Variants in TNRC18 observed in about 807,000 individuals in gnomAD.
TNRC18 encodes trinucleotide repeat-containing gene 18 protein.
TNRC18 carries 69 observed loss-of-function variants against 226.7 expected under a neutral mutation model. That is an observed-to-expected ratio of 0.30 (90% CI 0.25 to 0.37). The LOEUF (loss-of-function observed/expected upper bound fraction) is 0.37, where lower values mean the gene tolerates loss of function less well. Ranked by LOEUF, TNRC18 falls within the 10% of genes least tolerant of loss-of-function variation. TNRC18 has a pLI of 1.00. For synonymous variants in TNRC18, 2,449 were observed against 1,927.6 expected, an observed-to-expected ratio of 1.27 and a Z score of -7.09; for missense variants, 4,754 against 4,256.6, an observed-to-expected ratio of 1.12 and a Z score of -3.25.
At chr7:5,340,773 G>A (rs895340495) in intron 18 of TNRC18, among the ~76,000 whole-genome samples, 1 of 151,518 alleles carries the variant, frequency 6.6e-6, no homozygotes. Context: ...AAGGAAAGAA[G>A]CCGTCTCCAT....
At position 5,394,171 on chromosome 7, in the gene TNRC18, A is replaced by AG. The variant is rs943083917; in HGVS notation, c.343+268dup. ...CAAGTGATGGAAGTGGGTGCGGAAG[A>AG]GGGGGTCTCTGAGCTGAGCCGGAGG... On this transcript the variant is annotated intron_variant, in intron 3 of 29. Transcript: ENST00000430969. The surrounding 1 kb of genome is among the most constrained non-coding windows in gnomAD (Gnocchi z 4.5). 2.0e-5 allele frequency among the ~76,000 whole-genome samples: 3 copies of AG among 152,120 alleles called. No individual in the cohort carries two copies. The highest frequency in any genetic ancestry group is 4.8e-5 in the African/African-American group (2 of 41,410).
At chr7:5,373,999 C>T in intron 10 of TNRC18, 56 bp downstream of exon 10, 10 of 1,341,364 alleles carry the variant, frequency 7.5e-6, no homozygotes, top group South Asian at 1.6e-5. Context: ...GATGGATGAG[C>T]AGTTTTACCG....
At position 5,308,349 on chromosome 7, in the gene TNRC18, G is replaced by GA. The variant is rs770937010; in HGVS notation, c.8701-38_8701-37insT. ...CGGGGATATCAGGATGGCAGGTGGG[G>GA]GGCACAGAGGCCGAGGGAGCCCCAG... On this transcript the variant is annotated intron_variant, in intron 29 of 29. Coordinates refer to ENST00000430969, the MANE Select transcript of TNRC18 (RefSeq NM_001080495.3). 113 of 1,577,470 alleles carry GA rather than the reference G, an allele frequency of 7.2e-5. 2 individuals carry two copies. The South Asian group carries it at 1.3e-3, about 18-fold the overall frequency.
chr7:5,381,910 G>C (rs1030599557), intron 5 of TNRC18, among the ~76,000 whole-genome samples: 1 of 152,138 alleles, frequency 6.6e-6, no homozygotes, highest in African/African-American at 2.4e-5. Context: ...AGGTTGCAGT[G>C]AGCCAAGATC....
At chr7:5,336,036 A>G (rs569234081) in intron 18 of TNRC18, among the ~76,000 whole-genome samples, 139 of 151,752 alleles carry the variant, frequency 9.2e-4, no homozygotes, top group African/African-American at 3.0e-3. Flanking sequence ...GCAAAACCCC[A>G]TCTCTACAAA....
Position 5,351,857 on chromosome 7 carries a change from G to A in TNRC18, c.5432C>T (p.Ser1811Phe), listed in dbSNP as rs1791851950. 1 of 1,608,130 alleles carries A rather than the reference G, an allele frequency of 6.2e-7. No homozygotes were observed. Among genetic ancestry groups the A allele is most frequent in the African/African-American group, 1.3e-5 (1 of 74,484 alleles). Residue 1811 changes from serine (S) to phenylalanine (F), a missense_variant, in exon 17 of 30, where the codon TCC becomes TTC. By Grantham distance (155) the Ser-to-Phe change is radical. Coordinates refer to ENST00000430969, the MANE Select transcript of TNRC18 (RefSeq NM_001080495.3). ...CLLLREAEAR[S>F]SFSDSSEESF... ...TTCCTCCGAAGAGTCGCTGAAGGAG[G>A]AACGCGCCTCGGCCTCTCGAAGCAG...
chr7:5,421,597 G>A (rs1018679370), intron 1 of TNRC18, 108 bp from the exon 2 acceptor site: 1 of 152,248 alleles, frequency 6.6e-6, no homozygotes, highest in African/African-American at 2.4e-5. Flanking sequence ...CTTCAGGATC[G>A]GGGGGTGCCG....
chr7:5,327,565 A>G (rs1254658990), intron 19 of TNRC18, among the ~76,000 whole-genome samples: 2 of 152,022 alleles, frequency 1.3e-5, no homozygotes, highest in Non-Finnish European at 2.9e-5. Context: ...CTCCTGGTAC[A>G]TGTCCCTGCA....
intron 2 of TNRC18, among the ~76,000 whole-genome samples, chr7:5,405,200 G>C (rs896761972): frequency 6.6e-6 from 1 of 152,088 alleles, no homozygotes; most frequent in Non-Finnish European, 1.5e-5. Flanking sequence ...AGCTGAGGCA[G>C]GAGGATCACT....
intron 1 of TNRC18, among the ~76,000 whole-genome samples, chr7:5,422,363 A>G (rs1011258377): frequency 2.4e-5 from 3 of 127,358 alleles, no homozygotes; most frequent in African/African-American, 9.0e-5. Context: ...AATAACCTAC[A>G]AAGAAAGCCT....
chr7:5,377,453 G>A lies in TNRC18; in HGVS notation c.2379C>T (p.Ala793=), dbSNP rs933539401. ...PALAGSGRWS[A]DPAAHLATHP... ...GCGTGGCCAGATGGGCTGCGGGGTC[G>A]GCAGACCAGCGACCTGAGCCCGCCA... The change falls in exon 7 of 30, where the codon GCC becomes GCT. Residue 793 remains alanine (A), a synonymous_variant. Coordinates refer to ENST00000430969, the MANE Select transcript of TNRC18 (RefSeq NM_001080495.3). The surrounding 1 kb of genome is among the most constrained non-coding windows in gnomAD (Gnocchi z 5.8). 2.7e-5 allele frequency: 43 copies of A among 1,584,624 alleles called. No homozygotes were observed. Among genetic ancestry groups the A allele is most frequent in the African/African-American group, 1.1e-4 (8 of 74,330 alleles).
chr7:5,336,037 T>C (rs1314074771), intron 18 of TNRC18, among the ~76,000 whole-genome samples: 6 of 151,628 alleles, frequency 4.0e-5, no homozygotes, highest in East Asian at 1.9e-4. Flanking sequence ...CAAAACCCCA[T>C]CTCTACAAAA....
At chr7:5,403,301 C>T (rs1562625147) in intron 2 of TNRC18, among the ~76,000 whole-genome samples, 1 of 152,004 alleles carries the variant, frequency 6.6e-6, no homozygotes, top group Non-Finnish European at 1.5e-5. Context: ...GCTGGGATTA[C>T]AGGCATGCAC....
chr7:5,379,820 T>C (rs985629355), intron 5 of TNRC18, among the ~76,000 whole-genome samples: 1 of 152,190 alleles, frequency 6.6e-6, no homozygotes, highest in Non-Finnish European at 1.5e-5. Context: ...GAGGCACGGC[T>C]GATACTCCCC....
At chr7:5,315,347 G>A (rs1332910544) in intron 25 of TNRC18, among the ~76,000 whole-genome samples, 199 bp from the exon 26 acceptor site, 2 of 152,128 alleles carry the variant, frequency 1.3e-5, no homozygotes, top group East Asian at 1.9e-4. Flanking sequence ...AGAGGCTCCC[G>A]AATAATGAAG....
At chr7:5,348,403 G>T (rs1045948345) in intron 17 of TNRC18, among the ~76,000 whole-genome samples, 1 of 152,164 alleles carries the variant, frequency 6.6e-6, no homozygotes, top group Admixed American at 6.5e-5. Flanking sequence ...TCTCCAGGGC[G>T]GGGAGCAGTC....
At position 5,377,715 on chromosome 7, in the gene TNRC18, G is replaced by A. The variant is rs183033221; in HGVS notation, c.2256-139C>T. ...ACTGCTCGGAACTGAAGGGCCTCCCGGGGCCTTCCACACTCACTGTAGGGG... is the reference window on the plus strand; with the variant it reads ...ACTGCTCGGAACTGAAGGGCCTCCCAGGGCCTTCCACACTCACTGTAGGGG... On this transcript the variant is annotated intron_variant, in intron 6 of 29. Transcript: ENST00000430969. This position sits in a 1 kb window ranked among gnomAD's most constrained non-coding sequence, Gnocchi z 5.8. The A allele has an allele frequency of 4.9e-5, 54 of 1,094,844 alleles. No individual in the cohort carries two copies. Among genetic ancestry groups the A allele is most frequent in the African/African-American group, 4.1e-4 (26 of 63,354 alleles). 67.8% of individuals were successfully genotyped at this position (1,094,844 alleles called of 1,614,324 possible).
intron 5 of TNRC18, among the ~76,000 whole-genome samples, chr7:5,383,179 A>G (rs1042700815): frequency 1.3e-5 from 2 of 152,192 alleles, no homozygotes; most frequent in Non-Finnish European, 2.9e-5. Flanking sequence ...CTGGGATTAC[A>G]GGCATGAGCC....
intron 11 of TNRC18, among the ~76,000 whole-genome samples, chr7:5,367,525 T>G (rs1176236139): frequency 6.6e-6 from 1 of 151,072 alleles, no homozygotes; most frequent in Admixed American, 6.6e-5. Context: ...CCTCCCAGGT[T>G]CAAGTGATTT....
Sources: gnomAD v4.1 joint callset for allele counts (sites outside exome capture counted in the v4.1 genomes callset) on GRCh38, gnomAD v4.1.1 for gene constraint, Gnocchi (gnomAD v3.1) non-coding constraint, MANE v1.5 for transcripts, NCBI Gene and HGNC (gene_info 2026-07-23, HGNC 2026-07-21) for gene names.